Variants in PLA2G5 observed in about 807,000 individuals in gnomAD.
PLA2G5 encodes Ca2+-dependent phospholipase A2.
In PLA2G5, 12 loss-of-function variants were observed where a neutral mutation model predicts 15.9. The ratio of observed to expected loss-of-function variants is 0.76; its 90% CI spans 0.48 to 1.23. The LOEUF (loss-of-function observed/expected upper bound fraction) is 1.23, where lower values mean the gene tolerates loss of function less well. Ranked by LOEUF, PLA2G5 falls within the 50% of genes most tolerant of loss-of-function variation. The pLI, the probability that PLA2G5 is intolerant of heterozygous loss-of-function variation, is 0.00. For synonymous variants in PLA2G5, 71 were observed against 71.4 expected, an observed-to-expected ratio of 0.99 and a Z score of 0.03; for missense variants, 169 against 177.1, an observed-to-expected ratio of 0.95 and a Z score of 0.26.
rs890374843 is a variant in PLA2G5 at position 20,064,621 on chromosome 1, T to G, written n.338-4252T>G. Among the ~76,000 whole-genome samples the G allele has an allele frequency of 6.7e-5, 10 of 150,238 alleles. No homozygotes were observed. In the South Asian group the frequency reaches 1.1e-3, roughly 16 times the overall value. On this transcript the variant is annotated intron_variant and non_coding_transcript_variant, in intron 2 of 6. Transcript: ENST00000460175. ...AGGAAACAGAATACAAGGTCAGGCA[T>G]GGTAACTCACACCTGTAATCCCAGC...
intron 1 of PLA2G5, among the ~76,000 whole-genome samples, chr1:20,041,657 A>G (rs958143754): frequency 2.0e-5 from 3 of 152,222 alleles, no homozygotes; most frequent in Non-Finnish European, 4.4e-5. Context: ...GAGACAGGCT[A>G]GTGGCTTATA....
chr1:20,057,597 C>T (rs2014500562), intron 1 of PLA2G5, among the ~76,000 whole-genome samples: 1 of 152,204 alleles, frequency 6.6e-6, no homozygotes, highest in African/African-American at 2.4e-5. Context: ...CTCCTGGGTT[C>T]AAGCGATTCT....
At chr1:20,083,902 A>G (rs545546575) in intron 1 of PLA2G5, among the ~76,000 whole-genome samples, 2 of 151,870 alleles carry the variant, frequency 1.3e-5, no homozygotes, top group South Asian at 4.2e-4. Flanking sequence ...GTGAGCCCCC[A>G]GGGTTGACTT....
chr1:20,032,201 T>C (rs1329969742), intron 1 of PLA2G5, among the ~76,000 whole-genome samples: 1 of 152,194 alleles, frequency 6.6e-6, no homozygotes, highest in Non-Finnish European at 1.5e-5. Context: ...ATAAGGAATA[T>C]GGAATGCCCA....
At chr1:20,066,550 T>C (rs569630917), upstream of PLA2G5, among the ~76,000 whole-genome samples, 2 of 152,316 alleles carry the variant, frequency 1.3e-5, no homozygotes, top group South Asian at 4.1e-4. Context: ...CTTACAAGAG[T>C]TGATTGTTAA....
intron 2 of PLA2G5, 134 bp from the exon 3 acceptor site, chr1:20,085,949 T>G: frequency 1.2e-6 from 1 of 800,022 alleles, no homozygotes; most frequent in Non-Finnish European, 2.0e-6. Context: ...TTCCCACTAA[T>G]GGAGAGAATA....
intron 1 of PLA2G5, among the ~76,000 whole-genome samples, chr1:20,050,473 G>A (rs74057206): frequency 0.011 from 1,633 of 152,262 alleles, 30 homozygotes; most frequent in African/African-American, 0.037. Flanking sequence ...TAATGTCAAA[G>A]GCACACTGAT....
chr1:20,090,730 T>C lies in PLA2G5; in HGVS notation c.*38T>C. The stretch of plus-strand genomic sequence containing the variant: ...AGCTCCTCCCAGACCAAGACTTTTG[T>C]TCTGTTTTTCTACAACACAGAGTAC... On this transcript the variant is annotated 3_prime_UTR_variant, in exon 5 of 5. Coordinates refer to ENST00000375108, the MANE Select transcript of PLA2G5 (RefSeq NM_000929.3). The C allele has an allele frequency of 6.2e-7, 1 of 1,608,836 alleles. No individual in the cohort carries two copies. Among genetic ancestry groups the C allele is most frequent in the Non-Finnish European group, 8.5e-7 (1 of 1,175,296 alleles).
chr1:20,057,552 G>A (rs2014498682), intron 1 of PLA2G5, among the ~76,000 whole-genome samples: 1 of 152,162 alleles, frequency 6.6e-6, no homozygotes, highest in South Asian at 2.1e-4. Flanking sequence ...AGGCTGGAGT[G>A]CAGTGGCACA....
chr1:20,037,033 C>T (rs1177559844), intron 1 of PLA2G5, among the ~76,000 whole-genome samples: 1 of 152,164 alleles, frequency 6.6e-6, no homozygotes, highest in Non-Finnish European at 1.5e-5. Context: ...AATAATTGAC[C>T]TTCTGAATTC....
rs1357785610 is a variant in PLA2G5 at position 20,089,649 on chromosome 1, C to T, written c.186-140C>T. 9 of 645,880 alleles carry T rather than the reference C, an allele frequency of 1.4e-5. No homozygotes were observed. In the African/African-American group the frequency reaches 1.6e-4, roughly 12 times the overall value. The allele number at this position is 645,880 out of a possible 1,614,324, so 40.0% of individuals were successfully genotyped here. ...TGAGGAGCAGGAAATTACTCAGTCA[C>T]ACTACCAGATCCTCCCTGCCACATC... On this transcript the variant is annotated intron_variant, in intron 3 of 4. Transcript: ENST00000375108.
intron 1 of PLA2G5, among the ~76,000 whole-genome samples, chr1:20,040,133 C>T (rs1290529179): frequency 6.6e-6 from 1 of 152,112 alleles, no homozygotes; most frequent in African/African-American, 2.4e-5. Flanking sequence ...TCAATGTGTT[C>T]CTTTGTTATT....
chr1:20,078,370 C>A (rs1425293462), intron 1 of PLA2G5, among the ~76,000 whole-genome samples: 1 of 150,470 alleles, frequency 6.6e-6, no homozygotes, highest in African/African-American at 2.5e-5. Context: ...ATTTTTTTTT[C>A]TTTTTTGTGG....
At chr1:20,029,137 G>A (rs1465632168) in intron 1 of PLA2G5, among the ~76,000 whole-genome samples, 3 of 152,162 alleles carry the variant, frequency 2.0e-5, no homozygotes, top group African/African-American at 4.8e-5. Flanking sequence ...ATGAATGCAA[G>A]GTTTTACTGA....
At chr1:20,045,374 G>C (rs916983751) in intron 1 of PLA2G5, among the ~76,000 whole-genome samples, 1 of 152,064 alleles carries the variant, frequency 6.6e-6, no homozygotes, top group Admixed American at 6.6e-5. Context: ...GCGGTGATCA[G>C]ACACCTCTGA....
At chr1:20,038,065 A>T (rs547710756) in intron 1 of PLA2G5, among the ~76,000 whole-genome samples, 91 of 152,292 alleles carry the variant, frequency 6.0e-4, no homozygotes, top group Non-Finnish European at 8.7e-4. Context: ...CCCAGTTCCC[A>T]TGCAGCCAGC....
At chr1:20,046,995 C>T (rs1263882112) in intron 1 of PLA2G5, among the ~76,000 whole-genome samples, 1 of 152,140 alleles carries the variant, frequency 6.6e-6, no homozygotes, top group African/African-American at 2.4e-5. Flanking sequence ...TGAGTTTTCT[C>T]AGCTCTGAAG....
intron 1 of PLA2G5, among the ~76,000 whole-genome samples, chr1:20,046,708 G>A (rs1474137101): frequency 6.6e-6 from 1 of 152,158 alleles, no homozygotes; most frequent in Non-Finnish European, 1.5e-5. Context: ...GGGTACCAGA[G>A]ATTACTTTGT....
chr1:20,029,499 C>T lies in PLA2G5; in HGVS notation n.276+790C>T, dbSNP rs560702277. Among the ~76,000 whole-genome samples, 8 of 152,240 alleles carry T rather than the reference C, an allele frequency of 5.3e-5. No homozygotes were observed. The East Asian group carries it at 1.5e-3, about 29-fold the overall frequency. ...CAGCCGCTGTGTGTCTGCCTGCTAG[C>T]GTCCCGGGTTTTTATAGGCACAAGA... On this transcript the variant is annotated intron_variant and non_coding_transcript_variant, in intron 1 of 6. Coordinates refer to the PLA2G5 transcript ENST00000460175.
Sources: gnomAD v4.1 joint callset for allele counts (sites outside exome capture counted in the v4.1 genomes callset) on GRCh38, gnomAD v4.1.1 for gene constraint, MANE v1.5 for transcripts, NCBI Gene and HGNC (gene_info 2026-07-23, HGNC 2026-07-21) for gene names.